Variants in EYA2 observed in about 807,000 individuals in gnomAD.
EYA2 encodes the protein protein phosphatase EYA2.
Under a neutral mutation model 69.2 loss-of-function variants are expected in EYA2, and 31 were observed. The ratio of observed to expected loss-of-function variants is 0.45; its 90% CI spans 0.34 to 0.60. The LOEUF is 0.60. Among genes scored for constraint, EYA2 ranks in the 20% least tolerant of loss-of-function variants. EYA2 has a pLI of 0.02. For synonymous variants in EYA2, 257 were observed against 279.4 expected, an observed-to-expected ratio of 0.92 and a Z score of 0.80; for missense variants, 622 against 701.2, an observed-to-expected ratio of 0.89 and a Z score of 1.28.
rs1484769659 is a variant in EYA2 at position 47,086,144 on chromosome 20, C to A, written c.662-3095C>A. 2.6e-5 allele frequency among the ~76,000 whole-genome samples: 4 copies of A among 152,194 alleles called. No individual in the cohort carries two copies. In the East Asian group the frequency reaches 7.7e-4, roughly 29 times the overall value. ...AACTTTTACTCTGTATTAGTCTGTT[C>A]TCTCATTGCTATAAAGAAATACCTG... is the stretch of plus-strand genomic sequence containing the variant. On this transcript the variant is annotated intron_variant, in intron 7 of 15. Transcript: ENST00000327619.
At chr20:47,145,732 C>T (rs987027789) in intron 10 of EYA2, among the ~76,000 whole-genome samples, 7 of 151,964 alleles carry the variant, frequency 4.6e-5, no homozygotes, top group Admixed American at 2.0e-4. Context: ...AACCCTGTCT[C>T]TACTAAAAAT....
chr20:46,959,022 A>G (rs781421219), intron 1 of EYA2, among the ~76,000 whole-genome samples: 33 of 152,218 alleles, frequency 2.2e-4, no homozygotes, highest in Non-Finnish European at 3.4e-4. Context: ...ATGTGCCTTT[A>G]TAATAGGATG....
intron 4 of EYA2, among the ~76,000 whole-genome samples, chr20:47,014,848 C>T (rs1371277983): frequency 6.6e-6 from 1 of 151,812 alleles, no homozygotes; most frequent in East Asian, 1.9e-4. Context: ...CAAAACCACC[C>T]AAAAGTTAAT....
At chr20:46,957,679 G>C (rs140047501) in intron 1 of EYA2, among the ~76,000 whole-genome samples, 321 of 152,264 alleles carry the variant, frequency 2.1e-3, no homozygotes, top group African/African-American at 7.2e-3. Flanking sequence ...ACCAGAGGCT[G>C]AAATGGATTC....
At chr20:47,091,576 C>CAAA (rs11313572) in intron 8 of EYA2, among the ~76,000 whole-genome samples, 5 of 83,232 alleles carry the variant, frequency 6.0e-5, no homozygotes, top group Non-Finnish European at 7.2e-5. Flanking sequence ...CCATCTCTAC[C>CAAA]AAAAAAAAAA....
chr20:47,063,112 CTG>C (rs1028235934), intron 5 of EYA2, among the ~76,000 whole-genome samples: 2 of 152,152 alleles, frequency 1.3e-5, no homozygotes, highest in Non-Finnish European at 2.9e-5. Flanking sequence ...GTGTACAACT[CTG>C]TGGCGTTTAG....
intron 3 of EYA2, among the ~76,000 whole-genome samples, chr20:47,003,466 T>G (rs1018388570): frequency 4.6e-5 from 7 of 152,210 alleles, no homozygotes; most frequent in African/African-American, 1.4e-4. Flanking sequence ...CAAATCCAGC[T>G]GATAGCACCA....
intron 5 of EYA2, among the ~76,000 whole-genome samples, chr20:47,044,517 CG>C (rs1016865173): frequency 3.3e-5 from 5 of 151,712 alleles, no homozygotes; most frequent in East Asian, 3.9e-4. Context: ...TAGAGTCTTT[CG>C]GGGGGGTGGG....
chr20:46,931,820 G>T (rs533098317), intron 1 of EYA2, among the ~76,000 whole-genome samples: 1 of 152,174 alleles, frequency 6.6e-6, no homozygotes, highest in East Asian at 1.9e-4. Context: ...TGGCTTGAGC[G>T]TCCAGAGGAG....
At chr20:47,072,979 TA>T (rs1391435055) in intron 6 of EYA2, among the ~76,000 whole-genome samples, 1 of 152,224 alleles carries the variant, frequency 6.6e-6, no homozygotes, top group Non-Finnish European at 1.5e-5. Context: ...TTAGCAAATG[TA>T]AAAATTGTTT....
chr20:47,022,059 TA>T (rs887732385), intron 5 of EYA2, among the ~76,000 whole-genome samples: 1 of 152,200 alleles, frequency 6.6e-6, no homozygotes, highest in African/African-American at 2.4e-5. Context: ...GCCACAAAGT[TA>T]AAATAGACAT....
chr20:47,173,509 T>TTA (rs1555834800), intron 12 of EYA2, among the ~76,000 whole-genome samples: 78 of 83,652 alleles, frequency 9.3e-4, no homozygotes, highest in East Asian at 8.2e-3. Context: ...TGAGACCCCG[T>TTA]AAAAAAAAAA....
intron 9 of EYA2, among the ~76,000 whole-genome samples, chr20:47,126,713 A>G (rs1376374820): frequency 1.3e-5 from 2 of 152,178 alleles, no homozygotes; most frequent in Admixed American, 6.5e-5. Flanking sequence ...TCATTATTTT[A>G]AAAATCATTT....
chr20:46,897,722 C>G (rs1307068173), intron 1 of EYA2, among the ~76,000 whole-genome samples: 1 of 152,194 alleles, frequency 6.6e-6, no homozygotes, highest in African/African-American at 2.4e-5. Context: ...GAGCCTGTGG[C>G]TGTCAGGAGA....
intron 4 of EYA2, among the ~76,000 whole-genome samples, chr20:47,006,995 T>C (rs1982759589): frequency 6.6e-6 from 1 of 152,208 alleles, no homozygotes; most frequent in Non-Finnish European, 1.5e-5. Context: ...AGTGGCACCA[T>C]CGCAGCTCAC....
At chr20:47,130,825 C>T (rs1300682329) in intron 9 of EYA2, among the ~76,000 whole-genome samples, 1 of 152,166 alleles carries the variant, frequency 6.6e-6, no homozygotes, top group Non-Finnish European at 1.5e-5. Flanking sequence ...CGAGGTGGCT[C>T]ATGCCTATAA....
At chr20:46,948,106 T>A (rs1462947649) in intron 1 of EYA2, among the ~76,000 whole-genome samples, 1 of 35,540 alleles carries the variant, frequency 2.8e-5, no homozygotes, top group Non-Finnish European at 5.8e-5. Context: ...TGAGACCTTG[T>A]CTCAAAAAAA....
In EYA2 at chr20:47,080,419, AGGGAGGGAGGGAAATGAGGGAGGG is replaced by A. The variant is rs554652470; in HGVS notation, c.661+6109_661+6132del. Among the ~76,000 whole-genome samples, 1,221 of 124,122 alleles carry A rather than the reference AGGGAGGGAGGGAAATGAGGGAGGG, an allele frequency of 9.8e-3. 22 individuals are homozygous for A. The highest frequency in any genetic ancestry group is 0.034 in the African/African-American group (1,111 of 32,882). 81.4% of individuals were successfully genotyped at this position (124,122 alleles called of 152,430 possible). A position where few individuals can be genotyped will look rare whatever the true frequency, so the allele number is the denominator to read the frequency against. On this transcript the variant is annotated intron_variant, in intron 7 of 15. Transcript: ENST00000327619. ...ATTACCACAGGTATCAGGTGAAGGA[AGGGAGGGAGGGAAATGAGGGAGGG>A]GGGAGGGAGGGAAATGAGGGAGGGA... is the stretch of plus-strand genomic sequence containing the variant.
In EYA2 at chr20:46,952,179, G is replaced by C. The variant is rs145091838; in HGVS notation, c.-10-37822G>C. 2.1e-3 allele frequency among the ~76,000 whole-genome samples: 316 copies of C among 152,310 alleles called. 2 individuals carry two copies. The highest frequency in any genetic ancestry group is 7.3e-3 in the African/African-American group (302 of 41,556). On this transcript the variant is annotated intron_variant, in intron 1 of 15. Transcript: ENST00000327619. ...GAGGGACCCTCCTTAAGGTAGGGTG[G>C]TCAGGGAGGTCTCTCTGGCAGAGGC...
Sources: allele counts gnomAD v4.1 joint callset (sites outside exome capture counted in the v4.1 genomes callset), GRCh38; gene constraint gnomAD v4.1.1; transcripts MANE v1.5; gene names NCBI Gene and HGNC (gene_info 2026-07-23, HGNC 2026-07-21).